Variants in VWA8 observed in about 807,000 individuals in gnomAD.
VWA8 encodes the protein von Willebrand factor A domain-containing protein 8.
A neutral mutation model predicts 241.5 loss-of-function variants in VWA8; 221 were observed. The ratio of observed to expected loss-of-function variants is 0.91; its 90% CI spans 0.82 to 1.02. VWA8 has a LOEUF of 1.02. Ranked by LOEUF, VWA8 falls within the 50% of genes least tolerant of loss-of-function variation. The pLI is 0.00. For missense variants in VWA8, 2,322 were observed against 2,328.7 expected, an observed-to-expected ratio of 1.00 and a Z score of 0.06; for synonymous variants, 852 against 827.1, an observed-to-expected ratio of 1.03 and a Z score of -0.52.
In VWA8 at chr13:41,611,720, G is replaced by T. The variant is rs371253730; in HGVS notation, c.4733C>A (p.Thr1578Lys). 2.5e-6 allele frequency: 4 copies of T among 1,613,918 alleles called. No homozygotes were observed. In the South Asian group the frequency reaches 4.4e-5, roughly 18 times the overall value. ...TWAGGTGGRD[T>K]AGLGGKGGPY... ...GCCTCCTTTGCCACCCAGGCCTGCC[G>T]TGTCTCTTCCCCCTGGAAGGAAAAC... Residue 1578 changes from threonine to lysine, a missense_variant, in exon 39 of 45, where the codon ACG becomes AAG. Transcript: ENST00000379310.
intron 4 of VWA8, among the ~76,000 whole-genome samples, chr13:41,897,001 A>G (rs1207835577): frequency 6.6e-6 from 1 of 152,206 alleles, no homozygotes; most frequent in Non-Finnish European, 1.5e-5. Flanking sequence ...CGTAAATGCC[A>G]ATCTGTGAAG....
rs200520340 is a variant in VWA8, at chr13:41,570,646, G to A, written c.5431C>T (p.His1811Tyr). ...TCTTTGACAATTTCCTTGATGGCAT[G>A]TTCTGTCCCTTCTAACGTGTGGTCC... ...SGDHTLEGTE[H>Y]AIKEIVKEEA... Residue 1811 changes from histidine (H) to tyrosine (Y), a missense_variant, in exon 44 of 45, where the codon CAT (histidine) becomes TAT (tyrosine). By Grantham distance (83) the His-to-Tyr change is moderately conservative (BLOSUM62 2). Coordinates refer to ENST00000379310, the MANE Select transcript of VWA8 (RefSeq NM_015058.2). 1.2e-6 allele frequency: 2 copies of A among 1,614,236 alleles called. No homozygotes were observed. Among genetic ancestry groups the A allele is most frequent in the Non-Finnish European group, 8.5e-7 (1 of 1,180,050 alleles).
intron 21 of VWA8, 102 bp from the exon 22 acceptor site, chr13:41,732,257 C>T: frequency 9.5e-7 from 1 of 1,047,738 alleles, no homozygotes; most frequent in Non-Finnish European, 1.4e-6. Flanking sequence ...GATTTTTGTT[C>T]ATCATCCTGC....
intron 2 of VWA8, among the ~76,000 whole-genome samples, chr13:41,921,525 A>G (rs527998287): frequency 6.6e-6 from 1 of 152,314 alleles, no homozygotes; most frequent in East Asian, 1.9e-4. Flanking sequence ...ACATGACTGT[A>G]TATTTAGAAA....
At chr13:41,895,283 T>C (rs1875043468) in intron 4 of VWA8, among the ~76,000 whole-genome samples, 1 of 152,144 alleles carries the variant, frequency 6.6e-6, no homozygotes, top group South Asian at 2.1e-4. Context: ...GGTTATATAA[T>C]TTGAAAATTG....
At chr13:41,937,729 G>A (rs1346759251) in intron 2 of VWA8, among the ~76,000 whole-genome samples, 1 of 152,180 alleles carries the variant, frequency 6.6e-6, no homozygotes, top group Non-Finnish European at 1.5e-5. Context: ...GCATTTCTCA[G>A]AAGACAACCC....
At chr13:41,885,735 A>G (rs140069865) in intron 8 of VWA8, among the ~76,000 whole-genome samples, 185 bp downstream of exon 8, 391 of 152,370 alleles carry the variant, frequency 2.6e-3, no homozygotes, top group African/African-American at 9.1e-3. Flanking sequence ...AAAGCTCTTT[A>G]GGGGCTCAGA....
intron 12 of VWA8, among the ~76,000 whole-genome samples, chr13:41,863,441 A>G (rs1170358103): frequency 3.6e-5 from 4 of 110,550 alleles, no homozygotes; most frequent in South Asian, 3.1e-4. Context: ...GTGTATATAT[A>G]TATATATATA....
chr13:41,866,918 C>T (rs1273884253), intron 10 of VWA8, among the ~76,000 whole-genome samples: 1 of 152,020 alleles, frequency 6.6e-6, no homozygotes, highest in African/African-American at 2.4e-5. Context: ...TTTGTCTTCC[C>T]CTTTTATTAT....
intron 25 of VWA8, among the ~76,000 whole-genome samples, chr13:41,720,647 C>G (rs1289285200): frequency 6.6e-6 from 1 of 152,076 alleles, no homozygotes; most frequent in African/African-American, 2.4e-5. Flanking sequence ...ACTTATTTCT[C>G]CTGTCTAACT....
intron 20 of VWA8, among the ~76,000 whole-genome samples, chr13:41,774,150 A>T (rs1015013909): frequency 1.3e-5 from 2 of 151,780 alleles, no homozygotes; most frequent in Non-Finnish European, 2.9e-5. Flanking sequence ...ATTTATTATT[A>T]TTTTTTTGAT....
chr13:41,678,349 C>T (rs2045074885), intron 35 of VWA8, among the ~76,000 whole-genome samples: 1 of 152,210 alleles, frequency 6.6e-6, no homozygotes, highest in South Asian at 2.1e-4. Context: ...ATATGCTTAT[C>T]GTAAGCCACA....
intron 2 of VWA8, among the ~76,000 whole-genome samples, chr13:41,920,464 C>T (rs1555241914): frequency 6.6e-6 from 1 of 150,728 alleles, no homozygotes; most frequent in Non-Finnish European, 1.5e-5. Context: ...GATAGAGACA[C>T]AAAAAAAACC....
intron 17 of VWA8, among the ~76,000 whole-genome samples, chr13:41,802,528 T>C (rs1035407363): frequency 1.3e-5 from 2 of 152,216 alleles, no homozygotes; most frequent in Admixed American, 1.3e-4. Context: ...AGGCAGTGCT[T>C]GCACTGTCCC....
chr13:41,707,279 G>A lies in VWA8; in HGVS notation c.3117-3868C>T, dbSNP rs1265640705. 1.3e-3 allele frequency among the ~76,000 whole-genome samples: 200 copies of A among 152,198 alleles called. 2 individuals carry two copies. The highest frequency in any genetic ancestry group is 1.6e-4 in the Non-Finnish European group (11 of 68,038). ...ATAAAGAGGTGAGCTGGGTTTTAAA[G>A]AGTATGTTCTGGCAAATTTCTGCCT... On this transcript the variant is annotated intron_variant, in intron 26 of 44. Transcript: ENST00000379310.
At chr13:41,731,880 G>A (rs2045486537) in intron 22 of VWA8, among the ~76,000 whole-genome samples, 200 bp downstream of exon 22, 1 of 152,132 alleles carries the variant, frequency 6.6e-6, no homozygotes. Context: ...CCACCGTGAT[G>A]GTGAGGCCTC....
chr13:41,953,486 C>G (rs1878223614), intron 1 of VWA8, among the ~76,000 whole-genome samples: 1 of 152,128 alleles, frequency 6.6e-6, no homozygotes, highest in Non-Finnish European at 1.5e-5. Flanking sequence ...AAATTATAGG[C>G]TGGACCATAA....
At chr13:41,958,553 CT>C (rs1566052338) in intron 1 of VWA8, among the ~76,000 whole-genome samples, 2 of 152,148 alleles carry the variant, frequency 1.3e-5, no homozygotes, top group Non-Finnish European at 2.9e-5. Context: ...TGGCCTATTG[CT>C]ATTTGTAGTT....
At chr13:41,795,767 G>C (rs1176727058) in intron 17 of VWA8, among the ~76,000 whole-genome samples, 5 of 152,042 alleles carry the variant, frequency 3.3e-5, no homozygotes, top group Non-Finnish European at 1.5e-5. Flanking sequence ...ACACATAATG[G>C]GGAATAACAC....
Sources: gnomAD v4.1 joint callset for allele counts (sites outside exome capture counted in the v4.1 genomes callset) on GRCh38, gnomAD v4.1.1 for gene constraint, MANE v1.5 for transcripts, NCBI Gene and HGNC (gene_info 2026-07-23, HGNC 2026-07-21) for gene names.